Variants in HPSE2 observed in about 807,000 individuals in gnomAD.
HPSE2 encodes the protein heparanase 2 (inactive), also known as inactive heparanase-2.
A neutral mutation model predicts 60.5 loss-of-function variants in HPSE2; 38 were observed. The ratio of observed to expected loss-of-function variants is 0.63; its 90% CI spans 0.48 to 0.82. The LOEUF (loss-of-function observed/expected upper bound fraction) is 0.82. Ranked by LOEUF, HPSE2 falls within the 40% of genes least tolerant of loss-of-function variation. The pLI, the probability that HPSE2 is intolerant of heterozygous loss-of-function variation, is 0.00. For missense variants in HPSE2, 713 were observed against 740.4 expected (o/e 0.96, Z 0.43); for synonymous variants, 295 against 293.2 (o/e 1.01, Z -0.06).
chr10:98,773,137 T>A (rs888291476), intron 3 of HPSE2, among the ~76,000 whole-genome samples: 4 of 152,208 alleles, frequency 2.6e-5, no homozygotes, highest in African/African-American at 9.7e-5. Flanking sequence ...ATTCTGAGTA[T>A]CAGAAGTATT....
At chr10:98,743,235 T>C (rs1949546123) in intron 4 of HPSE2, among the ~76,000 whole-genome samples, 1 of 151,906 alleles carries the variant, frequency 6.6e-6, no homozygotes, top group African/African-American at 2.4e-5. Context: ...CCTCCCAAAG[T>C]GCTGGTATTA....
the HPSE2 span, among the ~76,000 whole-genome samples, chr10:99,283,440 C>G: frequency 6.7e-6 from 1 of 149,336 alleles, no homozygotes; most frequent in Admixed American, 6.7e-5. Flanking sequence ...GAGGGCAAGG[C>G]TGCAGTGAGC....
chr10:98,526,179 A>T (rs1942961592), intron 9 of HPSE2, among the ~76,000 whole-genome samples: 1 of 152,220 alleles, frequency 6.6e-6, no homozygotes, highest in Non-Finnish European at 1.5e-5. Flanking sequence ...TGTGGGCGGA[A>T]GGTATAGAAG....
At chr10:98,834,564 T>TA (rs1381899754) in intron 3 of HPSE2, among the ~76,000 whole-genome samples, 2 of 151,788 alleles carry the variant, frequency 1.3e-5, no homozygotes, top group Admixed American at 6.6e-5. Context: ...GCTAACACCA[T>TA]AAAAAAAAGA....
chr10:98,697,114 C>T (rs774870403), intron 5 of HPSE2, among the ~76,000 whole-genome samples: 1 of 152,102 alleles, frequency 6.6e-6, no homozygotes, highest in Non-Finnish European at 1.5e-5. Context: ...GATCACAGTG[C>T]CTCTCCAGCA....
In HPSE2 at chr10:98,649,399, C is replaced by T. The variant is rs139547369; in HGVS notation, c.1005-7459G>A. On this transcript the variant is annotated intron_variant, in intron 6 of 11. Transcript: ENST00000370552. The stretch of plus-strand genomic sequence containing the variant: ...TGCAGATTAGAAACTACAGCTCACA[C>T]GGTATTAGTAAGTAGGAAACCAGAG... Among the ~76,000 whole-genome samples, 64 of 152,208 alleles carry T rather than the reference C, an allele frequency of 4.2e-4. 3 individuals are homozygous for T. Among genetic ancestry groups the T allele is most frequent in the East Asian group, 2.7e-3 (14 of 5,166 alleles).
intron 3 of HPSE2, among the ~76,000 whole-genome samples, chr10:98,902,992 A>T (rs1186019940): frequency 6.6e-6 from 1 of 152,178 alleles, no homozygotes; most frequent in Non-Finnish European, 1.5e-5. Flanking sequence ...TAGCAGTATT[A>T]TTCATAATAG....
At chr10:99,310,045 G>A in the HPSE2 span, among the ~76,000 whole-genome samples, 2 of 152,124 alleles carry the variant, frequency 1.3e-5, no homozygotes, top group Non-Finnish European at 2.9e-5. Context: ...AGTTTCTGGT[G>A]GCTGCCAGCA....
At chr10:98,840,591 G>T (rs1449384720) in intron 3 of HPSE2, among the ~76,000 whole-genome samples, 1 of 152,168 alleles carries the variant, frequency 6.6e-6, no homozygotes, top group African/African-American at 2.4e-5. Flanking sequence ...CTTGAAAACT[G>T]ATTGGATTGG....
intron 3 of HPSE2, among the ~76,000 whole-genome samples, chr10:99,010,010 T>C (rs1057333441): frequency 2.6e-5 from 4 of 152,252 alleles, no homozygotes; most frequent in Non-Finnish European, 4.4e-5. Flanking sequence ...TTACAGACCA[T>C]TGTTTGGGAA....
Position 98,459,437 on chromosome 10 carries a change from G to T in HPSE2, c.*137C>A. The T allele has an allele frequency of 1.0e-6, 1 of 966,266 alleles. No homozygotes were observed. The highest frequency in any genetic ancestry group is 1.7e-6 in the Non-Finnish European group (1 of 597,148). The allele number at this position is 966,266 out of a possible 1,614,324, so 59.9% of individuals were successfully genotyped here. ...CTATGACATTTAGTCTCTTTGGAGA[G>T]CAAGTCTGTGTTGATTCCAGCAGGA... On this transcript the variant is annotated 3_prime_UTR_variant, in exon 12 of 12. Coordinates refer to ENST00000370552, the MANE Select transcript of HPSE2 (RefSeq NM_021828.5).
intron 3 of HPSE2, among the ~76,000 whole-genome samples, chr10:98,828,685 T>C (rs1444248502): frequency 6.6e-6 from 1 of 152,102 alleles, no homozygotes; most frequent in Non-Finnish European, 1.5e-5. Flanking sequence ...ACTATTACAA[T>C]AAACAAACAA....
chr10:98,914,259 G>A (rs73332065), intron 3 of HPSE2, among the ~76,000 whole-genome samples: 4,036 of 152,084 alleles, frequency 0.027, 130 homozygotes, highest in East Asian at 0.15. Context: ...CACCATCCAC[G>A]TAAAAATGTG....
chr10:99,185,558 A>G (rs530988533), intron 2 of HPSE2, among the ~76,000 whole-genome samples: 51 of 152,174 alleles, frequency 3.4e-4, no homozygotes, highest in African/African-American at 1.2e-3. Flanking sequence ...GCAGATCACG[A>G]GGTCAGGAGA....
chr10:99,169,332 C>A (rs1231501328), intron 2 of HPSE2, among the ~76,000 whole-genome samples: 1 of 148,144 alleles, frequency 6.8e-6, no homozygotes. Context: ...GGTGAAACCC[C>A]GTCTCTACTA....
At chr10:98,815,395 T>C (rs1951263077) in intron 3 of HPSE2, among the ~76,000 whole-genome samples, 1 of 152,174 alleles carries the variant, frequency 6.6e-6, no homozygotes, top group African/African-American at 2.4e-5. Flanking sequence ...TGGCTTTCCT[T>C]TCAAAGCAGT....
At chr10:99,296,793 G>A in the HPSE2 span, among the ~76,000 whole-genome samples, 2 of 152,192 alleles carry the variant, frequency 1.3e-5, no homozygotes, top group Non-Finnish European at 2.9e-5. Flanking sequence ...CAGTCGGCCA[G>A]TGACAGTCAG....
Position 98,620,541 on chromosome 10 carries a change from A to G in HPSE2, c.1205+61T>C. The G allele has an allele frequency of 5.0e-6, 6 of 1,210,198 alleles. No individual in the cohort carries two copies. The Admixed American group carries it at 6.9e-5, about 14-fold the overall frequency. The allele number at this position is 1,210,198 out of a possible 1,614,324, so 75.0% of individuals were successfully genotyped here. On this transcript the variant is annotated intron_variant, in intron 8 of 11. Transcript: ENST00000370552. Reference sequence around the variant, plus strand: ...GATGGGCAGAATAATCAGCAACACCAGAGATTCACTGTCCTTCCCTCCTGA... The same window carrying G: ...GATGGGCAGAATAATCAGCAACACCGGAGATTCACTGTCCTTCCCTCCTGA...
At chr10:99,097,017 T>C (rs537182514) in intron 3 of HPSE2, among the ~76,000 whole-genome samples, 1 of 152,238 alleles carries the variant, frequency 6.6e-6, no homozygotes, top group East Asian at 1.9e-4. Context: ...AGGAGTTATA[T>C]CATTTGCAGA....
Sources: allele counts gnomAD v4.1 joint callset (sites outside exome capture counted in the v4.1 genomes callset), GRCh38; gene constraint gnomAD v4.1.1; transcripts MANE v1.5; gene names NCBI Gene and HGNC (gene_info 2026-07-23, HGNC 2026-07-21).